Variants in CCDC172 observed in about 807,000 individuals in gnomAD.
CCDC172 encodes the protein coiled-coil domain-containing protein 172.
Under a neutral mutation model 38.0 loss-of-function variants are expected in CCDC172, and 30 were observed. The observed-to-expected ratio is 0.79, with a 90% confidence interval of 0.59 to 1.07. The LOEUF (loss-of-function observed/expected upper bound fraction) is 1.07, where lower values mean the gene tolerates loss of function less well. Among genes scored for constraint, CCDC172 ranks in the 50% least tolerant of loss-of-function variants. CCDC172 has a pLI of 0.00. For synonymous variants in CCDC172, 78 were observed against 88.3 expected (o/e 0.88, Z 0.66); for missense variants, 297 against 290.1 (o/e 1.02, Z -0.17).
chr10:116,376,934 A>T (rs1241515320), intron 7 of CCDC172, among the ~76,000 whole-genome samples: 1 of 152,192 alleles, frequency 6.6e-6, no homozygotes, highest in Non-Finnish European at 1.5e-5. Flanking sequence ...TAATGAAAAT[A>T]GCCCTTATCT....
chr10:116,337,353 T>C (rs917528742), intron 3 of CCDC172, among the ~76,000 whole-genome samples: 4 of 152,074 alleles, frequency 2.6e-5, no homozygotes, highest in Non-Finnish European at 5.9e-5. Context: ...GATTTCACCA[T>C]GTTGGCCAGG....
In CCDC172 at chr10:116,379,211, A is replaced by G. The variant is rs1845283438; in HGVS notation, c.742-112A>G. The G allele has an allele frequency of 5.2e-5, 28 of 539,898 alleles. No individual in the cohort carries two copies. In the East Asian group the frequency reaches 9.7e-4, roughly 19 times the overall value. 33.4% of individuals were successfully genotyped at this position (539,898 alleles called of 1,614,324 possible). ...GAATTTATTTTTTTTTATAAAAAAT[A>G]TAATTAAGAAATGCCCAGAATTTAT... On this transcript the variant is annotated intron_variant, in intron 8 of 8. Transcript: ENST00000333254.
At chr10:116,353,657 A>G (rs1170207605) in intron 5 of CCDC172, among the ~76,000 whole-genome samples, 1 of 152,234 alleles carries the variant, frequency 6.6e-6, no homozygotes, top group Non-Finnish European at 1.5e-5. Flanking sequence ...AGACAGTGGT[A>G]TTGATGATCC....
chr10:116,376,685 T>G (rs1250957059), intron 7 of CCDC172, among the ~76,000 whole-genome samples: 1 of 152,158 alleles, frequency 6.6e-6, no homozygotes, highest in Non-Finnish European at 1.5e-5. Flanking sequence ...TTCTATTGCC[T>G]ATCTGACCTT....
chr10:116,344,509 A>G (rs1844839745), intron 5 of CCDC172, among the ~76,000 whole-genome samples: 1 of 152,186 alleles, frequency 6.6e-6, no homozygotes, highest in African/African-American at 2.4e-5. Flanking sequence ...GCACCTTTAT[A>G]GGGTATTTAC....
At chr10:116,369,232 A>G (rs946857338) in intron 7 of CCDC172, among the ~76,000 whole-genome samples, 1 of 151,750 alleles carries the variant, frequency 6.6e-6, no homozygotes, top group Non-Finnish European at 1.5e-5. Context: ...AGCTTTATTG[A>G]TGGAATTTTA....
chr10:116,339,439 C>T (rs1335360744), intron 3 of CCDC172, among the ~76,000 whole-genome samples: 2 of 151,884 alleles, frequency 1.3e-5, no homozygotes, highest in African/African-American at 2.4e-5. Flanking sequence ...TTATAAATTT[C>T]TATATGATTT....
intron 5 of CCDC172, among the ~76,000 whole-genome samples, chr10:116,348,829 C>T (rs183548549): frequency 6.6e-4 from 100 of 152,208 alleles, no homozygotes; most frequent in African/African-American, 2.2e-3. Context: ...GCCTCAGGAC[C>T]GTTGACTGTG....
chr10:116,347,340 A>AT (rs1156447073), intron 5 of CCDC172, among the ~76,000 whole-genome samples: 1 of 152,208 alleles, frequency 6.6e-6, no homozygotes, highest in East Asian at 1.9e-4. Flanking sequence ...TGAGCTGTCA[A>AT]CTAGAATAAG....
At chr10:116,340,974 A>T in intron 4 of CCDC172, 124 bp downstream of exon 4, 1 of 685,186 alleles carries the variant, frequency 1.5e-6, no homozygotes, top group South Asian at 1.7e-5. Flanking sequence ...GCTCAGATAC[A>T]GGAAAGTATT....
intron 7 of CCDC172, among the ~76,000 whole-genome samples, chr10:116,364,259 G>C (rs1441399160): frequency 6.6e-6 from 1 of 152,102 alleles, no homozygotes; most frequent in East Asian, 1.9e-4. Flanking sequence ...ATATTATTTA[G>C]TCTATCAATT....
At chr10:116,342,800 AAGT>A (rs1844812399) in intron 5 of CCDC172, among the ~76,000 whole-genome samples, 1 of 151,988 alleles carries the variant, frequency 6.6e-6, no homozygotes, top group East Asian at 1.9e-4. Context: ...GGTTGTTTAA[AAGT>A]ATGTAGCACC....
chr10:116,363,545 A>G (rs1444256481), intron 7 of CCDC172, among the ~76,000 whole-genome samples: 5 of 152,204 alleles, frequency 3.3e-5, no homozygotes, highest in African/African-American at 1.2e-4. Context: ...AAGTCAGTCC[A>G]TGGAAAAACC....
At chr10:116,330,679 A>G (rs1844651455) in intron 3 of CCDC172, among the ~76,000 whole-genome samples, 2 of 152,138 alleles carry the variant, frequency 1.3e-5, no homozygotes, top group African/African-American at 2.4e-5. Context: ...ATTACAAAAG[A>G]TTGAGTAGAA....
chr10:116,373,416 T>C (rs1384915328), intron 7 of CCDC172, among the ~76,000 whole-genome samples: 5 of 152,120 alleles, frequency 3.3e-5, no homozygotes, highest in Non-Finnish European at 7.4e-5. Context: ...AAAACAAAAA[T>C]ATATGATGAT....
At chr10:116,325,731 A>C (rs1844582980) in intron 3 of CCDC172, among the ~76,000 whole-genome samples, 1 of 152,238 alleles carries the variant, frequency 6.6e-6, no homozygotes, top group South Asian at 2.1e-4. Flanking sequence ...TGAATGATAA[A>C]TAATTTGTGT....
chr10:116,367,654 C>G (rs7085896), intron 7 of CCDC172, among the ~76,000 whole-genome samples: 17,648 of 151,810 alleles, frequency 0.12, 1,587 homozygotes, highest in African/African-American at 0.25. Context: ...GAGCGAGACT[C>G]TGTCTCAAAA....
chr10:116,376,996 TAAAAA>T (rs1212671744), intron 7 of CCDC172, among the ~76,000 whole-genome samples: 1 of 151,578 alleles, frequency 6.6e-6, no homozygotes, highest in Admixed American at 6.6e-5. Context: ...TAAAGTCTCA[TAAAAA>T]AGAAAAACCG....
intron 3 of CCDC172, among the ~76,000 whole-genome samples, chr10:116,332,161 A>T (rs1844671391): frequency 6.6e-6 from 1 of 152,136 alleles, no homozygotes; most frequent in Non-Finnish European, 1.5e-5. Context: ...TGTGGGCTTG[A>T]ATTTTATCAC....
Sources: allele counts gnomAD v4.1 joint callset (sites outside exome capture counted in the v4.1 genomes callset), GRCh38; gene constraint gnomAD v4.1.1; transcripts MANE v1.5; gene names NCBI Gene and HGNC (gene_info 2026-07-23, HGNC 2026-07-21).